The following TLE4 variants were observed in gnomAD, a reference collection of about 807,000 sequenced individuals.
TLE4 encodes transducin-like enhancer protein 4.
TLE4 carries 8 observed loss-of-function variants against 92.8 expected under a neutral mutation model. The ratio of observed to expected loss-of-function variants is 0.09; its 90% CI spans 0.05 to 0.16. TLE4 has a LOEUF of 0.16. Among genes scored for constraint, TLE4 ranks in the 10% least tolerant of loss-of-function variants. The probability of loss-of-function intolerance (pLI) is 1.00; values close to 1 mark genes in which losing one functional copy is unlikely to be tolerated. For synonymous variants in TLE4, 371 were observed against 374.1 expected, an observed-to-expected ratio of 0.99 and a Z score of 0.10; for missense variants, 675 against 997.6, an observed-to-expected ratio of 0.68 and a Z score of 4.36.
chr9:79,670,927 T>A (rs1227197717), intron 8 of TLE4, among the ~76,000 whole-genome samples: 1 of 152,074 alleles, frequency 6.6e-6, no homozygotes, highest in Non-Finnish European at 1.5e-5. Context: ...AATGACCTGG[T>A]TGTGTTTATT....
intron 7 of TLE4, 52 bp downstream of exon 7, chr9:79,652,846 G>GCAA: frequency 1.9e-6 from 3 of 1,547,768 alleles, no homozygotes; most frequent in Non-Finnish European, 2.7e-6. Context: ...TGCTGCTGAG[G>GCAA]GTAGGTTCTG....
At chr9:79,686,309 T>C (rs1485796893) in intron 8 of TLE4, among the ~76,000 whole-genome samples, 2 of 152,222 alleles carry the variant, frequency 1.3e-5, no homozygotes, top group African/African-American at 2.4e-5. Context: ...TTTTTAAAAC[T>C]TTTTTAAAAG....
rs1460663292 is a variant in TLE4 at position 79,726,594 on chromosome 9, TC to T, written c.*1451del. 3 of 152,658 alleles carry T rather than the reference TC, an allele frequency of 2.0e-5. No individual in the cohort carries two copies. Among genetic ancestry groups the T allele is most frequent in the Non-Finnish European group, 4.4e-5 (3 of 68,052 alleles). 9.5% of individuals were successfully genotyped at this position (152,658 alleles called of 1,614,324 possible). A position where few individuals can be genotyped will look rare whatever the true frequency, so the allele number is the denominator to read the frequency against. On this transcript the variant is annotated 3_prime_UTR_variant, in exon 20 of 20. Coordinates refer to ENST00000376552, the MANE Select transcript of TLE4 (RefSeq NM_007005.6). ...TTAGTGTTTGATGTCATTAACAGTT[TC>T]GTAAAACTCTACAGTGTAGAAAGAT...
chr9:79,675,137 C>T (rs1009099697), intron 8 of TLE4, among the ~76,000 whole-genome samples: 1 of 152,174 alleles, frequency 6.6e-6, no homozygotes, highest in Non-Finnish European at 1.5e-5. Flanking sequence ...TTCTGCCCTT[C>T]CCTAATTGAT....
At chr9:79,684,886 G>C (rs1379762477) in intron 8 of TLE4, among the ~76,000 whole-genome samples, 1 of 152,212 alleles carries the variant, frequency 6.6e-6, no homozygotes, top group African/African-American at 2.4e-5. Flanking sequence ...GATACAGGGA[G>C]GTGTGAAAAA....
At chr9:79,691,186 T>C (rs1282858549) in intron 8 of TLE4, among the ~76,000 whole-genome samples, 2 of 152,054 alleles carry the variant, frequency 1.3e-5, no homozygotes, top group South Asian at 2.1e-4. Context: ...TGGCCCCCCA[T>C]TTCTCCTCCA....
chr9:79,651,647 A>G (rs2059017467), intron 6 of TLE4, among the ~76,000 whole-genome samples: 1 of 152,166 alleles, frequency 6.6e-6, no homozygotes, highest in African/African-American at 2.4e-5. Flanking sequence ...AGCATTATTG[A>G]GCAAGCCTAC....
chr9:79,664,609 G>A (rs1335306955), intron 8 of TLE4, among the ~76,000 whole-genome samples: 3 of 152,176 alleles, frequency 2.0e-5, no homozygotes, highest in African/African-American at 7.2e-5. Flanking sequence ...GGAGAATAGA[G>A]CAAATAATGA....
At chr9:79,585,860 A>G (rs1283241429) in intron 4 of TLE4, among the ~76,000 whole-genome samples, 1 of 152,130 alleles carries the variant, frequency 6.6e-6, no homozygotes. Flanking sequence ...CTGTGGATGA[A>G]CACAGTGAGA....
At position 79,721,810 on chromosome 9, in the gene TLE4, A is replaced by G. The variant is rs771670004; in HGVS notation, c.1908A>G (p.Thr636=). 2 of 1,614,196 alleles carry G rather than the reference A, an allele frequency of 1.2e-6. No homozygotes were observed. The highest frequency in any genetic ancestry group is 8.5e-7 in the Non-Finnish European group (1 of 1,180,036). ...DISNDGTKLW[T]GGLDNTVRSW... ...CTAATGATGGCACCAAGCTCTGGAC[A>G]GGTGGTTTGGACAACACGGTCAGGT... Residue 636 remains threonine (T), a synonymous_variant, in exon 17 of 20, where the codon ACA becomes ACG. Transcript: ENST00000376552.
intron 6 of TLE4, among the ~76,000 whole-genome samples, chr9:79,633,981 G>T (rs2055037917): frequency 6.6e-6 from 1 of 152,172 alleles, no homozygotes; most frequent in Non-Finnish European, 1.5e-5. Context: ...TAAGAAACCA[G>T]TTTGGGAATC....
intron 16 of TLE4, 79 bp downstream of exon 16, chr9:79,720,372 G>T: frequency 1.7e-6 from 2 of 1,176,994 alleles, no homozygotes; most frequent in Admixed American, 2.7e-5. Context: ...GTGTATATAG[G>T]TATGGGTGTG....
intron 4 of TLE4, among the ~76,000 whole-genome samples, chr9:79,598,311 G>A (rs1310667211): frequency 6.6e-6 from 1 of 151,676 alleles, no homozygotes; most frequent in Non-Finnish European, 1.5e-5. Context: ...CTCCTAACTG[G>A]TATGTCCTGG....
chr9:79,573,055 A>G (rs939080036), intron 1 of TLE4, among the ~76,000 whole-genome samples: 1 of 151,378 alleles, frequency 6.6e-6, no homozygotes, highest in Non-Finnish European at 1.5e-5. Context: ...CCATTTTCTT[A>G]TTGTTGTCTT....
chr9:79,679,953 T>C (rs1195251643), intron 8 of TLE4, among the ~76,000 whole-genome samples: 6 of 152,106 alleles, frequency 3.9e-5, no homozygotes, highest in African/African-American at 1.4e-4. Flanking sequence ...TTCTGAGGGC[T>C]CTGTTCTGTT....
At position 79,718,830 on chromosome 9, in the gene TLE4, C is replaced by G. The variant is rs747054323; in HGVS notation, c.1449C>G (p.Thr483=). The G allele has an allele frequency of 3.1e-6, 5 of 1,614,184 alleles. No individual in the cohort carries two copies. The South Asian group carries it at 5.5e-5, about 18-fold the overall frequency. The change falls in exon 15 of 20, where the codon ACC becomes ACG. Residue 483 remains threonine (T), a synonymous_variant. Coordinates refer to ENST00000376552, the MANE Select transcript of TLE4 (RefSeq NM_007005.6). ...GIPRHARQIN[T]LNHGEVVCAV... ...CCCGGCATGCTCGCCAGATCAACAC[C>G]CTCAACCACGGGGAGGTGGTGTGCG...
intron 8 of TLE4, among the ~76,000 whole-genome samples, chr9:79,702,836 A>G (rs1218049974): frequency 1.3e-5 from 2 of 152,142 alleles, no homozygotes; most frequent in Non-Finnish European, 2.9e-5. Flanking sequence ...AGTTGCCATC[A>G]CCACAGGTAT....
At chr9:79,704,941 G>A (rs1185478294) in intron 9 of TLE4, 39 bp downstream of exon 9, 4 of 1,610,400 alleles carry the variant, frequency 2.5e-6, no homozygotes, top group Non-Finnish European at 3.4e-6. Flanking sequence ...AGGCCAGCTT[G>A]CCTTTTTATC....
chr9:79,657,515 T>C (rs1365213799), intron 8 of TLE4, among the ~76,000 whole-genome samples: 1 of 152,092 alleles, frequency 6.6e-6, no homozygotes, highest in African/African-American at 2.4e-5. Context: ...AGAGGGGACA[T>C]TCCCTTGTGC....
Sources: gnomAD v4.1 joint callset for allele counts (sites outside exome capture counted in the v4.1 genomes callset) on GRCh38, gnomAD v4.1.1 for gene constraint, MANE v1.5 for transcripts, NCBI Gene and HGNC (gene_info 2026-07-23, HGNC 2026-07-21) for gene names.